The following PHF12 variants were observed in gnomAD, a reference collection of about 807,000 sequenced individuals.
PHF12 encodes PHD factor 1.
In PHF12, 6 loss-of-function variants were observed where a neutral mutation model predicts 99.8. The observed-to-expected ratio is 0.06, with a 90% CI of 0.03 to 0.12. The LOEUF (loss-of-function observed/expected upper bound fraction) is 0.12, where lower values mean the gene tolerates loss of function less well. Among genes scored for constraint, PHF12 ranks in the 10% least tolerant of loss-of-function variants. The pLI is 1.00. For missense variants in PHF12, 954 were observed against 1,300.1 expected, an observed-to-expected ratio of 0.73 and a Z score of 4.09; for synonymous variants, 480 against 514.9, an observed-to-expected ratio of 0.93 and a Z score of 0.92.
At chr17:28,936,953 A>G (rs1407627655) in intron 2 of PHF12, among the ~76,000 whole-genome samples, 4 of 152,168 alleles carry the variant, frequency 2.6e-5, no homozygotes, top group African/African-American at 9.7e-5. Flanking sequence ...AAATGTGTTG[A>G]TACTAGCCAA....
chr17:28,910,633 G>A (rs73266404), intron 10 of PHF12: 259 of 527,226 alleles, frequency 4.9e-4, no homozygotes, highest in African/African-American at 4.3e-3. Flanking sequence ...CCCTAGAAAG[G>A]CAGAGTGGAA....
chr17:28,916,735 A>G (rs1379042273), intron 7 of PHF12, among the ~76,000 whole-genome samples: 1 of 152,242 alleles, frequency 6.6e-6, no homozygotes, highest in Admixed American at 6.5e-5. Context: ...CTGTAAACAC[A>G]CTTTGGCCAA....
chr17:28,908,691 T>C, intron 12 of PHF12, 92 bp downstream of exon 12: 1 of 1,264,718 alleles, frequency 7.9e-7, no homozygotes, highest in African/African-American at 1.5e-5. Flanking sequence ...GGAAAGGGCT[T>C]CCCTCACCCC....
At chr17:28,935,334 C>T (rs1291210174) in intron 2 of PHF12, among the ~76,000 whole-genome samples, 1 of 152,088 alleles carries the variant, frequency 6.6e-6, no homozygotes, top group Non-Finnish European at 1.5e-5. Context: ...TGCAGTGGTG[C>T]GATCTCAGCT....
chr17:28,921,604 A>G (rs1393450230), intron 5 of PHF12, 84 bp downstream of exon 5: 2 of 1,508,356 alleles, frequency 1.3e-6, no homozygotes, highest in African/African-American at 1.4e-5. Flanking sequence ...CACATTTAAC[A>G]TACATGGTCT....
chr17:28,910,772 G>A (rs1286957220), intron 10 of PHF12: 9 of 379,966 alleles, frequency 2.4e-5, no homozygotes, highest in African/African-American at 1.9e-4. Context: ...GTTTCCCACA[G>A]ATGAGGTCCC....
chr17:28,927,440 T>C (rs1020588737), intron 2 of PHF12, among the ~76,000 whole-genome samples: 4 of 152,192 alleles, frequency 2.6e-5, no homozygotes, highest in Non-Finnish European at 4.4e-5. Context: ...CCCCTTCAGG[T>C]GCTCTTCCCA....
rs1317866870 is a variant in PHF12, at chr17:28,949,040, G to A, written c.248+1025C>T. Among the ~76,000 whole-genome samples the A allele has an allele frequency of 6.6e-6, 1 of 152,086 alleles. No individual in the cohort carries two copies. The highest frequency in any genetic ancestry group is 6.5e-5 in the Admixed American group (1 of 15,276). ...GAGCCGCTGAGGAGGATCACGCAGC[G>A]GGCGATCAACTCAGGTCCCTCCCTC... On this transcript the variant is annotated intron_variant, in intron 2 of 14. Coordinates refer to ENST00000332830, the MANE Select transcript of PHF12 (RefSeq NM_001033561.2). This position sits in a 1 kb window ranked among gnomAD's most constrained non-coding sequence, Gnocchi z 4.6.
chr17:28,939,139 A>G (rs2040566361), intron 2 of PHF12, among the ~76,000 whole-genome samples: 1 of 152,260 alleles, frequency 6.6e-6, no homozygotes, highest in Non-Finnish European at 1.5e-5. Context: ...TCACAGAATT[A>G]GGCATTTCCT....
At chr17:28,935,681 G>T (rs1051130758) in intron 2 of PHF12, among the ~76,000 whole-genome samples, 1 of 152,082 alleles carries the variant, frequency 6.6e-6, no homozygotes, top group African/African-American at 2.4e-5. Flanking sequence ...TCAATTGGAG[G>T]GTATGTTTCT....
chr17:28,925,125 G>A (rs2040244648), intron 3 of PHF12: 1 of 152,288 alleles, frequency 6.6e-6, no homozygotes, highest in Middle Eastern at 3.4e-3. Flanking sequence ...TTTTCCTCCA[G>A]GACTCCAAAT....
chr17:28,923,612 C>T (rs1267260359), intron 4 of PHF12, among the ~76,000 whole-genome samples: 2 of 116,790 alleles, frequency 1.7e-5, no homozygotes. Flanking sequence ...GAGCCGAGAT[C>T]GTGCCACTGC....
At chr17:28,932,724 T>A (rs540459019) in intron 2 of PHF12, among the ~76,000 whole-genome samples, 7 of 152,240 alleles carry the variant, frequency 4.6e-5, no homozygotes, top group African/African-American at 1.7e-4. Flanking sequence ...GGTGGGTGGG[T>A]CACTTTAGGT....
rs1426840295 is a variant in PHF12, at chr17:28,949,462, G to A, written c.248+603C>T. Among the ~76,000 whole-genome samples, 1 of 152,220 alleles carries A rather than the reference G, an allele frequency of 6.6e-6. No homozygotes were observed. The highest frequency in any genetic ancestry group is 1.9e-4 in the East Asian group (1 of 5,198). ...GGGGCTGTCCCCACCGTTCCCCCGA[G>A]AGACGTTTGCAAATCATATATGCAG... On this transcript the variant is annotated intron_variant, in intron 2 of 14. Coordinates refer to ENST00000332830, the MANE Select transcript of PHF12 (RefSeq NM_001033561.2). The surrounding 1 kb of genome is among the most constrained non-coding windows in gnomAD (Gnocchi z 4.6).
intron 4 of PHF12, among the ~76,000 whole-genome samples, chr17:28,922,098 C>A (rs2040177219): frequency 6.6e-6 from 1 of 152,154 alleles, no homozygotes; most frequent in Non-Finnish European, 1.5e-5. Context: ...AGGTTAGATA[C>A]AGGCAACCTA....
intron 2 of PHF12, chr17:28,945,159 C>CTTA (rs1182074951): frequency 2.0e-5 from 3 of 152,318 alleles, no homozygotes; most frequent in Non-Finnish European, 4.4e-5. Flanking sequence ...ACTTGGGAGG[C>CTTA]TTAGGTGGGA....
chr17:28,948,178 C>T (rs1016447614), intron 2 of PHF12, among the ~76,000 whole-genome samples: 1 of 152,226 alleles, frequency 6.6e-6, no homozygotes, highest in Non-Finnish European at 1.5e-5. Flanking sequence ...ACTCAACATG[C>T]ATGTCAGCAA....
intron 4 of PHF12, among the ~76,000 whole-genome samples, chr17:28,923,470 C>T (rs1357574411): frequency 6.6e-6 from 1 of 151,090 alleles, no homozygotes; most frequent in Non-Finnish European, 1.5e-5. Flanking sequence ...CCAGCCTGAA[C>T]AACATGGTAA....
At chr17:28,930,849 T>C (rs992588575) in intron 2 of PHF12, among the ~76,000 whole-genome samples, 4 of 152,078 alleles carry the variant, frequency 2.6e-5, no homozygotes, top group East Asian at 1.9e-4. Flanking sequence ...GGTGGGTGGA[T>C]TGCTTGAGCC....
Sources: gnomAD v4.1 joint callset for allele counts (sites outside exome capture counted in the v4.1 genomes callset) on GRCh38, gnomAD v4.1.1 for gene constraint, Gnocchi (gnomAD v3.1) non-coding constraint, MANE v1.5 for transcripts, NCBI Gene and HGNC (gene_info 2026-07-23, HGNC 2026-07-21) for gene names.